Variants in NPIPB2 observed in about 807,000 individuals in gnomAD.
The protein encoded by NPIPB2 is nuclear pore complex-interacting protein family member B2.
Under a neutral mutation model 30.8 loss-of-function variants are expected in NPIPB2, and 27 were observed. That is an observed-to-expected ratio of 0.88 (90% CI 0.65 to 1.21). The LOEUF (loss-of-function observed/expected upper bound fraction) is 1.21. Ranked by LOEUF, NPIPB2 falls within the 50% of genes most tolerant of loss-of-function variation. The pLI is 0.00. For missense variants in NPIPB2, 440 were observed against 446.2 expected (o/e 0.99, Z 0.13); for synonymous variants, 147 against 162.0 (o/e 0.91, Z 0.70).
chr16:11,962,075 G>A (rs780896967), intron 1 of NPIPB2, among the ~76,000 whole-genome samples: 8 of 150,106 alleles, frequency 5.3e-5, no homozygotes, highest in East Asian at 2.0e-4. Context: ...TGGCATGTGC[G>A]TAGTCCTAGC....
intron 1 of NPIPB2, among the ~76,000 whole-genome samples, chr16:11,971,731 G>A (rs1435995297): frequency 6.6e-6 from 1 of 152,040 alleles, no homozygotes; most frequent in Non-Finnish European, 1.5e-5. Flanking sequence ...CTCACCTCAA[G>A]TGATCTGCTC....
At chr16:11,965,369 C>G (rs1471582191) in intron 1 of NPIPB2, 2 of 1,614,176 alleles carry the variant, frequency 1.2e-6, no homozygotes, top group Admixed American at 1.7e-5. Flanking sequence ...AATATTTTGA[C>G]AGTTTGTTGC....
chr16:11,972,147 C>CA (rs1369152601), intron 1 of NPIPB2, among the ~76,000 whole-genome samples: 4 of 151,120 alleles, frequency 2.6e-5, no homozygotes, highest in African/African-American at 4.9e-5. Context: ...GACTCTGTCT[C>CA]AAAAAAACAA....
chr16:11,941,205 C>A (rs2054934303), intron 1 of NPIPB2: 6 of 1,527,838 alleles, frequency 3.9e-6, no homozygotes, highest in Non-Finnish European at 5.3e-6. Context: ...CCAGCAGGAG[C>A]CAAAAGAGGA....
intron 1 of NPIPB2, among the ~76,000 whole-genome samples, chr16:11,964,436 T>TA (rs773930295): frequency 2.8e-4 from 42 of 151,764 alleles, no homozygotes; most frequent in Admixed American, 8.6e-4. Context: ...TTTTTTGAGA[T>TA]AGAGTCTTGC....
intron 1 of NPIPB2, chr16:11,967,468 ATC>A (rs2055203994): frequency 7.9e-7 from 1 of 1,262,798 alleles, no homozygotes; most frequent in Admixed American, 2.3e-5. Context: ...AAATGAAAAA[ATC>A]TCTCTCACAT....
At position 11,967,786 on chromosome 16, in the gene NPIPB2, G is replaced by C. The variant is rs11570159; in HGVS notation, c.-584+8782C>G. 1.7e-5 allele frequency: 28 copies of C among 1,614,214 alleles called. No homozygotes were observed. The African/African-American group carries it at 2.0e-4, about 12-fold the overall frequency. On this transcript the variant is annotated intron_variant, in intron 1 of 5. Transcript: ENST00000538896. ...GTCACCACGAAAACGAATGACTATT[G>C]CAAGAGCCTGCCAGCTGCTTTGAGT...
chr16:11,968,010 T>C (rs1487763987), intron 1 of NPIPB2: 3 of 785,506 alleles, frequency 3.8e-6, no homozygotes, highest in South Asian at 2.0e-5. Flanking sequence ...TAGGTTACTG[T>C]TGGGAGCTTA....
chr16:11,931,631 AG>A (rs2054791386), intron 4 of NPIPB2, among the ~76,000 whole-genome samples: 1 of 149,834 alleles, frequency 6.7e-6, no homozygotes, highest in African/African-American at 2.5e-5. Context: ...GAAGCCAGTG[AG>A]GACATCACTA....
At chr16:11,955,353 C>CCA (rs2055101187) in intron 1 of NPIPB2, among the ~76,000 whole-genome samples, 3 of 46,638 alleles carry the variant, frequency 6.4e-5, no homozygotes, top group Non-Finnish European at 1.3e-4. Flanking sequence ...AACTCTGTGT[C>CCA]AAAAAAAAAA....
intron 1 of NPIPB2, among the ~76,000 whole-genome samples, chr16:11,947,318 TTATTTATA>T (rs914913221): frequency 1.5e-4 from 7 of 47,634 alleles, no homozygotes; most frequent in African/African-American, 3.4e-4. Context: ...ATTTATTTAT[TTATTTATA>T]TATATATATA....
At chr16:11,975,074 C>G (rs2150948274) in intron 1 of NPIPB2, among the ~76,000 whole-genome samples, 1 of 137,260 alleles carries the variant, frequency 7.3e-6, no homozygotes, top group Admixed American at 7.6e-5. Context: ...GATGCCGTCT[C>G]AAAAACAAAA....
At chr16:11,941,817 C>G (rs562098685) in intron 1 of NPIPB2, 166 bp downstream of exon 1, 1 of 1,260,196 alleles carries the variant, frequency 7.9e-7, no homozygotes, top group African/African-American at 1.5e-5. Flanking sequence ...AGGACAGGTC[C>G]TCTCTGGAAC....
At chr16:11,962,417 G>A (rs1009444454) in intron 1 of NPIPB2, among the ~76,000 whole-genome samples, 1 of 151,404 alleles carries the variant, frequency 6.6e-6, no homozygotes, top group African/African-American at 2.4e-5. Context: ...GACCATCCTG[G>A]CTAAGATGGT....
intron 1 of NPIPB2, among the ~76,000 whole-genome samples, chr16:11,952,385 C>T (rs1167988013): frequency 6.6e-6 from 1 of 151,620 alleles, no homozygotes; most frequent in African/African-American, 2.4e-5. Flanking sequence ...AAAGAAACCC[C>T]TGGAGTCAAC....
At chr16:11,939,212 A>AT (rs1420272890) in intron 1 of NPIPB2, among the ~76,000 whole-genome samples, 1 of 151,120 alleles carries the variant, frequency 6.6e-6, no homozygotes, top group East Asian at 1.9e-4. Context: ...AAAAAAAAAA[A>AT]TACAATGAAG....
rs1312243139 is a variant in NPIPB2 at position 11,936,035 on chromosome 16, T to C, written c.192+1505A>G. On this transcript the variant is annotated intron_variant, in intron 2 of 7. Transcript: ENST00000399147. ...TAAAAACTTCCCCTGGCTCACGTGG[T>C]GGCTCACGCTTGTAATCCCAGCACT... Among the ~76,000 whole-genome samples, 53 of 149,508 alleles carry C rather than the reference T, an allele frequency of 3.5e-4. 1 individual carries two copies. The South Asian group carries it at 0.011, about 32-fold the overall frequency.
chr16:11,960,852 G>A (rs2055147957), intron 1 of NPIPB2, among the ~76,000 whole-genome samples: 2 of 151,440 alleles, frequency 1.3e-5, no homozygotes. Flanking sequence ...TGTTATGGGA[G>A]ATTTTTTTTT....
intron 2 of NPIPB2, 64 bp from the exon 3 acceptor site, chr16:11,933,988 T>A: frequency 3.0e-6 from 4 of 1,335,194 alleles, no homozygotes; most frequent in Non-Finnish European, 4.2e-6. Context: ...ATCCCAGTAC[T>A]TTGGGAGGCC....
Sources: allele counts gnomAD v4.1 joint callset (sites outside exome capture counted in the v4.1 genomes callset), GRCh38; gene constraint gnomAD v4.1.1; transcripts MANE v1.5; gene names NCBI Gene and HGNC (gene_info 2026-07-23, HGNC 2026-07-21).